RBFOX1: variants seen among roughly 807,000 people sequenced by gnomAD.
The protein encoded by RBFOX1 is RNA binding fox-1 homolog 1.
A neutral mutation model predicts 57.7 loss-of-function variants in RBFOX1; 8 were observed. The ratio of observed to expected loss-of-function variants is 0.14; its 90% CI spans 0.08 to 0.25. The LOEUF (loss-of-function observed/expected upper bound fraction) is 0.25. Among genes scored for constraint, RBFOX1 ranks in the 10% least tolerant of loss-of-function variants. The pLI, the probability that RBFOX1 is intolerant of heterozygous loss-of-function variation, is 1.00. For synonymous variants in RBFOX1, 326 were observed against 222.4 expected (o/e 1.47, Z -4.15); for missense variants, 611 against 548.5 (o/e 1.11, Z -1.14).
Position 7,099,515 on chromosome 16 carries a change from A to G in RBFOX1, c.27+47417A>G, listed in dbSNP as rs568133148. The stretch of plus-strand genomic sequence containing the variant: ...TCTCTTCTCCTATTACTTATAAACC[A>G]ACAAGTATCTGAGACAAGTCTCAGT... On this transcript the variant is annotated intron_variant, in intron 4 of 15. Coordinates refer to ENST00000550418, the MANE Select transcript of RBFOX1 (RefSeq NM_018723.4). 2.7e-3 allele frequency among the ~76,000 whole-genome samples: 417 copies of G among 152,302 alleles called. 1 individual carries two copies. The highest frequency in any genetic ancestry group is 9.7e-3 in the African/African-American group (405 of 41,558).
intron 1 of RBFOX1, among the ~76,000 whole-genome samples, chr16:5,261,549 GTT>G (rs4047465): frequency 3.7e-4 from 44 of 120,482 alleles, no homozygotes; most frequent in South Asian, 5.4e-4. Context: ...TGTGTGTATG[GTT>G]TTTTTTTTTT....
intron 1 of RBFOX1, among the ~76,000 whole-genome samples, chr16:5,249,779 T>A (rs1263335931): frequency 6.6e-6 from 1 of 152,210 alleles, no homozygotes; most frequent in Non-Finnish European, 1.5e-5. Context: ...GCCAAAATAG[T>A]GAAACCCTGT....
intron 3 of RBFOX1, among the ~76,000 whole-genome samples, chr16:5,765,602 G>T (rs538993337): frequency 6.6e-6 from 1 of 152,318 alleles, no homozygotes; most frequent in South Asian, 2.1e-4. Flanking sequence ...TGTCCAGCAG[G>T]TGGCTGCTAT....
intron 3 of RBFOX1, among the ~76,000 whole-genome samples, chr16:6,831,845 T>C (rs1192088684): frequency 1.3e-5 from 2 of 152,162 alleles, no homozygotes; most frequent in African/African-American, 2.4e-5. Flanking sequence ...TCTCCAGCTG[T>C]GAATGCTAGG....
intron 3 of RBFOX1, among the ~76,000 whole-genome samples, chr16:7,004,949 G>C (rs376011687): frequency 6.6e-6 from 1 of 152,152 alleles, no homozygotes; most frequent in African/African-American, 2.4e-5. Flanking sequence ...TTCGAGACCA[G>C]CTTGGCCAAC....
At chr16:5,441,896 C>G (rs2068096192) in intron 1 of RBFOX1, among the ~76,000 whole-genome samples, 1 of 152,108 alleles carries the variant, frequency 6.6e-6, no homozygotes, top group African/African-American at 2.4e-5. Context: ...TCAGTAATCT[C>G]CACTTGTTCT....
intron 2 of RBFOX1, among the ~76,000 whole-genome samples, chr16:6,534,424 G>T (rs530059365): frequency 2.8e-4 from 42 of 152,188 alleles, no homozygotes; most frequent in African/African-American, 8.9e-4. Flanking sequence ...TCTTTCACCC[G>T]CTAAGATGCC....
chr16:5,950,809 A>C (rs2059504668), intron 4 of RBFOX1, among the ~76,000 whole-genome samples: 1 of 152,098 alleles, frequency 6.6e-6, no homozygotes. Context: ...CCTGAGTTCA[A>C]GGGAAACTCA....
chr16:6,282,169 C>G (rs947239308), intron 1 of RBFOX1, among the ~76,000 whole-genome samples: 1 of 152,060 alleles, frequency 6.6e-6, no homozygotes, highest in African/African-American at 2.4e-5. Flanking sequence ...TTGACTGTTT[C>G]TTGGGAAAAA....
chr16:7,666,040 T>C (rs1240905777), intron 13 of RBFOX1, among the ~76,000 whole-genome samples: 7 of 152,200 alleles, frequency 4.6e-5, no homozygotes, highest in Admixed American at 3.9e-4. Context: ...ACAACCCATA[T>C]GTCCTAATTC....
At chr16:6,590,753 G>C (rs780226112) in intron 2 of RBFOX1, among the ~76,000 whole-genome samples, 33 of 152,130 alleles carry the variant, frequency 2.2e-4, no homozygotes, top group African/African-American at 8.0e-4. Flanking sequence ...TTAGCTGTCC[G>C]TGAAGGGTGT....
intron 2 of RBFOX1, among the ~76,000 whole-genome samples, chr16:6,574,227 T>G (rs2097389311): frequency 6.6e-6 from 1 of 151,964 alleles, no homozygotes; most frequent in African/African-American, 2.4e-5. Context: ...ATCTGTAAAG[T>G]GGGCTCCAGC....
At chr16:7,468,304 G>C (rs568603340) in intron 4 of RBFOX1, among the ~76,000 whole-genome samples, 10 of 152,260 alleles carry the variant, frequency 6.6e-5, no homozygotes, top group African/African-American at 2.4e-4. Context: ...CAAAAAATAA[G>C]ACTGTGCTTT....
At chr16:6,592,920 C>T (rs536260533) in intron 2 of RBFOX1, among the ~76,000 whole-genome samples, 2 of 152,130 alleles carry the variant, frequency 1.3e-5, no homozygotes, top group Non-Finnish European at 1.5e-5. Flanking sequence ...TGGCTGGGCA[C>T]GGTGGCTCAT....
At chr16:6,757,555 C>G (rs938397601) in intron 3 of RBFOX1, among the ~76,000 whole-genome samples, 7 of 152,072 alleles carry the variant, frequency 4.6e-5, no homozygotes, top group African/African-American at 1.7e-4. Flanking sequence ...CACAGAAAGA[C>G]AAATATGACA....
intron 4 of RBFOX1, among the ~76,000 whole-genome samples, chr16:7,488,997 C>T (rs1461174687): frequency 1.3e-5 from 2 of 152,166 alleles, no homozygotes; most frequent in Admixed American, 6.5e-5. Flanking sequence ...CTCTCTATTG[C>T]TCTGTCATTA....
chr16:6,132,176 G>C (rs915747277), intron 1 of RBFOX1, among the ~76,000 whole-genome samples: 1 of 152,206 alleles, frequency 6.6e-6, no homozygotes, highest in Non-Finnish European at 1.5e-5. Context: ...TGGGTGGTAT[G>C]TGACTTTAAG....
intron 1 of RBFOX1, among the ~76,000 whole-genome samples, chr16:6,287,459 G>T (rs929243264): frequency 3.3e-4 from 50 of 152,110 alleles, no homozygotes; most frequent in Non-Finnish European, 1.0e-4. Context: ...GACATGTCAT[G>T]TGTCAAAGAT....
chr16:6,941,972 T>C (rs2078615199), intron 3 of RBFOX1, among the ~76,000 whole-genome samples: 1 of 152,164 alleles, frequency 6.6e-6, no homozygotes, highest in Admixed American at 6.5e-5. Context: ...CTCACACCTG[T>C]AATCCCAGCA....
Sources: gnomAD v4.1 joint callset for allele counts (sites outside exome capture counted in the v4.1 genomes callset) on GRCh38, gnomAD v4.1.1 for gene constraint, MANE v1.5 for transcripts, NCBI Gene and HGNC (gene_info 2026-07-23, HGNC 2026-07-21) for gene names.